BDP1: variants seen among roughly 807,000 people sequenced by gnomAD.
BDP1 encodes the protein BDP1 general transcription factor IIIB subunit.
In BDP1, 169 loss-of-function variants were observed where a neutral mutation model predicts 266.6. The observed-to-expected ratio is 0.63, with a 90% CI of 0.56 to 0.72. The LOEUF (loss-of-function observed/expected upper bound fraction) is 0.72. Among genes scored for constraint, BDP1 ranks in the 30% least tolerant of loss-of-function variants. The probability of loss-of-function intolerance (pLI) is 0.00; values close to 1 mark genes in which losing one functional copy is unlikely to be tolerated. For missense variants in BDP1, 3,015 were observed against 3,053.8 expected (o/e 0.99, Z 0.30); for synonymous variants, 1,090 against 1,022.4 (o/e 1.07, Z -1.26).
intron 4 of BDP1, 113 bp from the exon 5 acceptor site, chr5:71,465,983 G>A: frequency 8.9e-7 from 1 of 1,125,690 alleles, no homozygotes; most frequent in East Asian, 2.5e-5. Flanking sequence ...TGGATTATAG[G>A]GAAAGTTGGA....
At chr5:71,485,634 A>C (rs1763220309) in intron 8 of BDP1, among the ~76,000 whole-genome samples, 1 of 152,156 alleles carries the variant, frequency 6.6e-6, no homozygotes, top group Admixed American at 6.5e-5. Context: ...ATTGACTTTA[A>C]GTTCAAGCAA....
rs745737814 is a variant in BDP1 at position 71,549,611 on chromosome 5, C to A, written c.6995+5C>A. The A allele has an allele frequency of 1.3e-6, 2 of 1,583,520 alleles. No individual in the cohort carries two copies. The highest frequency in any genetic ancestry group is 2.3e-5 in the East Asian group (1 of 44,068). ...CGAAGAAAGGGGTGACATGAGGTAACGAATGAGTGAAACTGTTTTTGCTAG... is the reference window on the plus strand; with the variant it reads ...CGAAGAAAGGGGTGACATGAGGTAAAGAATGAGTGAAACTGTTTTTGCTAG... On this transcript the variant is annotated splice_donor_5th_base_variant and intron_variant, in intron 34 of 38. Transcript: ENST00000358731.
intron 33 of BDP1, 35 bp downstream of exon 33, chr5:71,548,780 C>T (rs769058861): frequency 1.4e-6 from 2 of 1,422,222 alleles, no homozygotes; most frequent in South Asian, 2.4e-5. Context: ...TGTCATAGAA[C>T]TTAGTTGTAT....
chr5:71,510,138 G>C lies in BDP1; in HGVS notation c.3046G>C (p.Gly1016Arg). 2 of 1,613,962 alleles carry C rather than the reference G, an allele frequency of 1.2e-6. No individual in the cohort carries two copies. The highest frequency in any genetic ancestry group is 1.7e-6 in the Non-Finnish European group (2 of 1,179,994). ...DEMETDLNATGRESSPREKTP... is the reference protein window; with the variant it reads ...DEMETDLNATRRESSPREKTP... ...AATGGAGACAGATTTGAACGCAACT[G>C]GAAGAGAGAGTTCTCCAAGGGAGAA... Residue 1016 changes from glycine to arginine, a missense_variant, in exon 17 of 39, where the codon GGA becomes CGA. This residue lies in a region of BDP1 where 2,383 missense variants were observed against 2,404.9 expected (regional missense o/e 0.99). Coordinates refer to ENST00000358731, the MANE Select transcript of BDP1 (RefSeq NM_018429.3).
At chr5:71,490,952 T>A (rs1238883247) in intron 10 of BDP1, 32 bp from the exon 11 acceptor site, 1 of 1,564,232 alleles carries the variant, frequency 6.4e-7, no homozygotes, top group East Asian at 2.3e-5. Context: ...TTGCTGTCAT[T>A]TTTTAGAATA....
chr5:71,532,747 C>T (rs1167974498), intron 26 of BDP1, among the ~76,000 whole-genome samples: 1 of 152,142 alleles, frequency 6.6e-6, no homozygotes, highest in African/African-American at 2.4e-5. Flanking sequence ...CCTTTGCAAG[C>T]GGAGGCTTGA....
At chr5:71,518,764 T>C (rs1765346827) in intron 22 of BDP1, among the ~76,000 whole-genome samples, 1 of 152,074 alleles carries the variant, frequency 6.6e-6, no homozygotes, top group Admixed American at 6.6e-5. Flanking sequence ...CTGTTAATTT[T>C]AGATGCTTGA....
intron 7 of BDP1, among the ~76,000 whole-genome samples, chr5:71,483,033 G>GT (rs1763050668): frequency 2.0e-5 from 3 of 152,176 alleles, no homozygotes; most frequent in African/African-American, 7.2e-5. Flanking sequence ...CATATTAGTG[G>GT]TTAAGTTCTT....
intron 11 of BDP1, among the ~76,000 whole-genome samples, chr5:71,491,605 C>G (rs1763598851): frequency 6.6e-6 from 1 of 152,024 alleles, no homozygotes; most frequent in African/African-American, 2.4e-5. Flanking sequence ...TATTGCTGAT[C>G]TCTGGAATTT....
chr5:71,536,131 G>T (rs1020586117), intron 26 of BDP1, among the ~76,000 whole-genome samples: 1 of 152,062 alleles, frequency 6.6e-6, no homozygotes, highest in Non-Finnish European at 1.5e-5. Context: ...GATCTTAGGG[G>T]TAAAGTATCC....
At position 71,541,518 on chromosome 5, in the gene BDP1, T is replaced by A. The variant is rs1334586571; in HGVS notation, c.6087T>A (p.Asp2029Glu). Residue 2029 changes from aspartate to glutamate, a missense_variant, in exon 29 of 39, where the codon GAT becomes GAA. Transcript: ENST00000358731. ...AAAGCCATATTCCTTCTAGCCTAGA[T>A]AATGTAAATCACAAAATTGTTCATG... ...KDKSHIPSSL[D>E]NVNHKIVHEC... 1 of 1,610,390 alleles carries A rather than the reference T, an allele frequency of 6.2e-7. No individual in the cohort carries two copies. Among genetic ancestry groups the A allele is most frequent in the Admixed American group, 1.7e-5 (1 of 59,914 alleles).
intron 34 of BDP1, among the ~76,000 whole-genome samples, chr5:71,552,591 G>T (rs1269388714): frequency 6.6e-6 from 1 of 152,256 alleles, no homozygotes; most frequent in African/African-American, 2.4e-5. Flanking sequence ...GCCGAGGCCG[G>T]CGGATCACTC....
intron 24 of BDP1, 22 bp from the exon 25 acceptor site, chr5:71,523,914 ATTG>A (rs763337948): frequency 2.5e-6 from 4 of 1,583,866 alleles, no homozygotes; most frequent in African/African-American, 2.7e-5. Flanking sequence ...ATATGACCTT[ATTG>A]TTGTTTTGAT....
At chr5:71,462,070 C>G (rs1761611668) in intron 3 of BDP1, 144 bp downstream of exon 3, 2 of 568,880 alleles carry the variant, frequency 3.5e-6, no homozygotes, top group East Asian at 6.2e-5. Context: ...TCAAGCGATT[C>G]TCCTGCCTCA....
At chr5:71,513,156 C>A in intron 18 of BDP1, 29 bp from the exon 19 acceptor site, 1 of 1,558,922 alleles carries the variant, frequency 6.4e-7, no homozygotes, top group Non-Finnish European at 8.8e-7. Context: ...TCAGTTCATT[C>A]TAAAGCTTGA....
intron 12 of BDP1, 36 bp from the exon 13 acceptor site, chr5:71,497,234 A>G (rs781626510): frequency 5.7e-6 from 9 of 1,584,956 alleles, no homozygotes; most frequent in South Asian, 3.4e-5. Flanking sequence ...ACATGACTGC[A>G]TGTTTGATGC....
downstream of BDP1, among the ~76,000 whole-genome samples, chr5:71,572,733 G>A (rs539937154): frequency 8.7e-4 from 133 of 152,310 alleles, 3 homozygotes; most frequent in South Asian, 0.017. Flanking sequence ...TAAAACTCTT[G>A]ATGTGGAAGA....
chr5:71,467,633 C>T, intron 6 of BDP1, 146 bp downstream of exon 6: 3 of 687,768 alleles, frequency 4.4e-6, no homozygotes, highest in Non-Finnish European at 2.4e-6. Context: ...TATCTTATGC[C>T]CTCCATGGAA....
At chr5:71,549,646 T>C in intron 34 of BDP1, 40 bp downstream of exon 34, 1 of 1,529,812 alleles carries the variant, frequency 6.5e-7, no homozygotes, top group Non-Finnish European at 8.9e-7. Context: ...GGAGGAAAAG[T>C]GATTTATGAA....
Sources: gnomAD v4.1 joint callset for allele counts (sites outside exome capture counted in the v4.1 genomes callset) on GRCh38, gnomAD v4.1.1 for gene constraint, gnomAD v4.1.1 regional missense constraint, MANE v1.5 for transcripts, NCBI Gene and HGNC (gene_info 2026-07-23, HGNC 2026-07-21) for gene names.